Variants in TRPC3 observed in about 807,000 individuals in gnomAD.
TRPC3 encodes short transient receptor potential channel 3.
TRPC3 carries 54 observed loss-of-function variants against 90.9 expected under a neutral mutation model. That is an observed-to-expected ratio of 0.59 (90% CI 0.48 to 0.75). TRPC3 has a LOEUF of 0.75. Among genes scored for constraint, TRPC3 ranks in the 30% least tolerant of loss-of-function variants. The pLI, the probability that TRPC3 is intolerant of heterozygous loss-of-function variation, is 0.00. For synonymous variants in TRPC3, 424 were observed against 450.9 expected, an observed-to-expected ratio of 0.94 and a Z score of 0.75; for missense variants, 918 against 1,194.5, an observed-to-expected ratio of 0.77 and a Z score of 3.41.
chr4:121,897,254 TC>T (rs1370499128), intron 10 of TRPC3, among the ~76,000 whole-genome samples: 1 of 151,640 alleles, frequency 6.6e-6, no homozygotes, highest in Non-Finnish European at 1.5e-5. Flanking sequence ...GAACAAGACC[TC>T]AAAAGCAGAA....
intron 10 of TRPC3, among the ~76,000 whole-genome samples, chr4:121,887,897 C>A (rs986857062): frequency 1.3e-5 from 2 of 151,784 alleles, no homozygotes; most frequent in African/African-American, 4.8e-5. Context: ...AAAATCACGC[C>A]CAGTTAAAAA....
chr4:121,950,931 CCCCACTT>C (rs1442359897), intron 1 of TRPC3: 1 of 152,330 alleles, frequency 6.6e-6, no homozygotes, highest in African/African-American at 2.4e-5. Flanking sequence ...CCTCCCTACT[CCCCACTT>C]CTCTGCCCCC....
chr4:121,921,722 C>T (rs903050706), intron 3 of TRPC3, among the ~76,000 whole-genome samples: 43 of 151,872 alleles, frequency 2.8e-4, no homozygotes, highest in Non-Finnish European at 5.1e-4. Context: ...TGGCTGTGGA[C>T]TACCTCTGTG....
rs200341014 is a variant in TRPC3, at chr4:121,888,436, A to AAT, written c.2548-6009_2548-6008dup. On this transcript the variant is annotated intron_variant, in intron 10 of 11. Coordinates refer to ENST00000379645, the MANE Select transcript of TRPC3 (RefSeq NM_001130698.2). ...AAACATTTTTTGAGTCTTATGGACT[A>AAT]ATTATAAAAGTAATTCTTTAAAGAT... 4.2e-3 allele frequency among the ~76,000 whole-genome samples: 634 copies of AAT among 152,364 alleles called. 9 individuals carry two copies. The highest frequency in any genetic ancestry group is 0.014 in the African/African-American group (595 of 41,590).
chr4:121,950,264 C>T (rs1277659459), intron 1 of TRPC3, among the ~76,000 whole-genome samples: 1 of 152,078 alleles, frequency 6.6e-6, no homozygotes, highest in Non-Finnish European at 1.5e-5. Flanking sequence ...CAGGCGCAGA[C>T]TCTGCGCGCG....
At position 121,910,134 on chromosome 4, in the gene TRPC3, C is replaced by T; in HGVS notation, c.1792+20G>A. ...ATACCTTTCCCAAAACACAAGGGGA[C>T]CCTGAAGCTAACAACTTACCATAAG... is the stretch of plus-strand genomic sequence containing the variant. On this transcript the variant is annotated intron_variant, in intron 6 of 11. Coordinates refer to ENST00000379645, the MANE Select transcript of TRPC3 (RefSeq NM_001130698.2). 6.2e-7 allele frequency: 1 copy of T among 1,604,314 alleles called. No individual in the cohort carries two copies. Among genetic ancestry groups the T allele is most frequent in the African/African-American group, 1.3e-5 (1 of 74,778 alleles).
chr4:121,891,788 A>C (rs1291927494), intron 10 of TRPC3, among the ~76,000 whole-genome samples: 1 of 152,140 alleles, frequency 6.6e-6, no homozygotes, highest in Non-Finnish European at 1.5e-5. Flanking sequence ...CCAACAATTT[A>C]CTACCTTTAG....
chr4:121,887,343 A>G (rs1467553455), intron 10 of TRPC3, among the ~76,000 whole-genome samples: 1 of 152,154 alleles, frequency 6.6e-6, no homozygotes, highest in Non-Finnish European at 1.5e-5. Context: ...CCTTCCTCCT[A>G]ACCTCAACAC....
At chr4:121,903,368 C>T (rs1226865612) in intron 8 of TRPC3, among the ~76,000 whole-genome samples, 1 of 152,054 alleles carries the variant, frequency 6.6e-6, no homozygotes, top group Non-Finnish European at 1.5e-5. Flanking sequence ...ATGATTAATT[C>T]CTCCCTCTGT....
At chr4:121,948,628 C>T (rs1364300241) in intron 1 of TRPC3, among the ~76,000 whole-genome samples, 2 of 152,162 alleles carry the variant, frequency 1.3e-5, no homozygotes, top group Non-Finnish European at 2.9e-5. Flanking sequence ...CTCACTGCTC[C>T]CCTATACATA....
chr4:121,902,178 A>G (rs961638353), intron 9 of TRPC3, among the ~76,000 whole-genome samples: 5 of 152,086 alleles, frequency 3.3e-5, no homozygotes, highest in Non-Finnish European at 7.4e-5. Context: ...AACTCTACAC[A>G]TTTGTTCCTG....
chr4:121,932,371 C>T lies in TRPC3; in HGVS notation c.887G>A (p.Ser296Asn), dbSNP rs549112100. The T allele has an allele frequency of 2.5e-5, 40 of 1,614,162 alleles. No homozygotes were observed. The South Asian group carries it at 4.2e-4, about 17-fold the overall frequency. The change falls in exon 2 of 12, where the codon AGC becomes AAC. Residue 296 changes from serine to asparagine, a missense_variant. By Grantham distance (46) the Ser-to-Asn change is conservative. Coordinates refer to ENST00000379645, the MANE Select transcript of TRPC3 (RefSeq NM_001130698.2). This position sits in a 1 kb window ranked among gnomAD's most constrained non-coding sequence, Gnocchi z 7.7. ...SRINAYKGLA[S>N]PAYLSLSSED... ...GCTGGACAATGAGAGGTAAGCCGGG[C>T]TGGCCAGCCCCTTGTAGGCATTGAT...
At chr4:121,896,340 G>T (rs1337545340) in intron 10 of TRPC3, among the ~76,000 whole-genome samples, 7 of 152,074 alleles carry the variant, frequency 4.6e-5, no homozygotes, top group Non-Finnish European at 8.8e-5. Context: ...AAAGAAAGAA[G>T]GGTATCCAAA....
chr4:121,908,262 A>G (rs1326297250), intron 6 of TRPC3, among the ~76,000 whole-genome samples: 1 of 152,172 alleles, frequency 6.6e-6, no homozygotes, highest in African/African-American at 2.4e-5. Context: ...GACATCTGCA[A>G]TAACAACAAA....
At chr4:121,939,922 C>A (rs1350135084) in intron 1 of TRPC3, among the ~76,000 whole-genome samples, 1 of 152,224 alleles carries the variant, frequency 6.6e-6, no homozygotes, top group East Asian at 1.9e-4. Context: ...CTCCCCTCCC[C>A]CAAGGGCCAG....
chr4:121,875,006 A>C lies in TRPC3; in HGVS notation c.*4730T>G, dbSNP rs1013116167. ...CTTAAAAAAAATGAAAAGTAAAGAT[A>C]AACATTTCAATATGTCACAACAATG... On this transcript the variant is annotated 3_prime_UTR_variant, in exon 12 of 12. Coordinates refer to ENST00000379645, the MANE Select transcript of TRPC3 (RefSeq NM_001130698.2). Among the ~76,000 whole-genome samples, 3 of 152,162 alleles carry C rather than the reference A, an allele frequency of 2.0e-5. No individual in the cohort carries two copies. Among genetic ancestry groups the C allele is most frequent in the African/African-American group, 7.2e-5 (3 of 41,440 alleles).
intron 10 of TRPC3, among the ~76,000 whole-genome samples, chr4:121,898,830 A>G (rs948488293): frequency 3.5e-4 from 54 of 152,288 alleles, no homozygotes; most frequent in Non-Finnish European, 1.3e-4. Flanking sequence ...CAAAACCAAT[A>G]AAACAAAAAT....
Position 121,879,568 on chromosome 4 carries a change from T to C in TRPC3, c.*168A>G. ...TGTCAAAGCAGACAAATAAAATGCATTTTCATGTGATAAAACAATAAAACC... is the reference window on the plus strand; with the variant it reads ...TGTCAAAGCAGACAAATAAAATGCACTTTCATGTGATAAAACAATAAAACC... On this transcript the variant is annotated 3_prime_UTR_variant, in exon 12 of 12. Transcript: ENST00000379645. 2.8e-6 allele frequency: 2 copies of C among 702,488 alleles called. No individual in the cohort carries two copies. The highest frequency in any genetic ancestry group is 4.4e-6 in the Non-Finnish European group (2 of 450,796). 43.5% of individuals were successfully genotyped at this position (702,488 alleles called of 1,614,324 possible).
In TRPC3 at chr4:121,911,001, G is replaced by A. The variant is rs116365306; in HGVS notation, c.1559-614C>T. ...CAGAAAATGCCATTCTGGGACAAGAGGACAAAATAGTACAACTTAACAACT... is the reference window on the plus strand; with the variant it reads ...CAGAAAATGCCATTCTGGGACAAGAAGACAAAATAGTACAACTTAACAACT... On this transcript the variant is annotated intron_variant, in intron 5 of 11. Transcript: ENST00000379645. 5.2e-3 allele frequency among the ~76,000 whole-genome samples: 784 copies of A among 152,152 alleles called. 9 individuals carry two copies. Among genetic ancestry groups the A allele is most frequent in the African/African-American group, 0.018 (742 of 41,504 alleles).
Sources: gnomAD v4.1 joint callset for allele counts (sites outside exome capture counted in the v4.1 genomes callset) on GRCh38, gnomAD v4.1.1 for gene constraint, Gnocchi (gnomAD v3.1) non-coding constraint, MANE v1.5 for transcripts, NCBI Gene and HGNC (gene_info 2026-07-23, HGNC 2026-07-21) for gene names.